Variants in MYO3A observed in about 807,000 individuals in gnomAD.
The protein encoded by MYO3A is myosin-IIIa.
In MYO3A, 180 loss-of-function variants were observed where a neutral mutation model predicts 192.7. The ratio of observed to expected loss-of-function variants is 0.93; its 90% CI spans 0.83 to 1.06. The LOEUF is 1.06. Among genes scored for constraint, MYO3A ranks in the 50% least tolerant of loss-of-function variants. MYO3A has a pLI of 0.00. For synonymous variants in MYO3A, 628 were observed against 645.3 expected (o/e 0.97, Z 0.41); for missense variants, 1,896 against 1,905.0 (o/e 1.00, Z 0.09).
At chr10:25,953,385 A>G (rs1406646323) in intron 3 of MYO3A, among the ~76,000 whole-genome samples, 2 of 152,126 alleles carry the variant, frequency 1.3e-5, no homozygotes, top group Non-Finnish European at 2.9e-5. Flanking sequence ...ATTTTAAAGC[A>G]ATAAATTAAA....
chr10:26,021,123 C>G (rs1213443790), intron 7 of MYO3A, among the ~76,000 whole-genome samples: 1 of 152,166 alleles, frequency 6.6e-6, no homozygotes, highest in Non-Finnish European at 1.5e-5. Context: ...AAAAACATAG[C>G]CTTCATCTTT....
intron 20 of MYO3A, among the ~76,000 whole-genome samples, chr10:26,140,595 G>A (rs769678085): frequency 6.6e-6 from 1 of 151,012 alleles, no homozygotes. Context: ...GAAGCAGGTA[G>A]AATTACTCGA....
chr10:26,182,808 G>GACGT (rs1369919955), intron 31 of MYO3A, among the ~76,000 whole-genome samples: 3 of 152,176 alleles, frequency 2.0e-5, no homozygotes, highest in Non-Finnish European at 4.4e-5. Flanking sequence ...ATACACAGAA[G>GACGT]ACGTGCTCAC....
intron 30 of MYO3A, among the ~76,000 whole-genome samples, chr10:26,176,252 C>T (rs1842324911): frequency 6.6e-6 from 1 of 151,464 alleles, no homozygotes; most frequent in Non-Finnish European, 1.5e-5. Context: ...GGAGATCGCA[C>T]CACTGCACTC....
chr10:25,993,866 T>C (rs1238322136), intron 4 of MYO3A, among the ~76,000 whole-genome samples: 2 of 152,234 alleles, frequency 1.3e-5, no homozygotes, highest in Non-Finnish European at 2.9e-5. Context: ...GGTTGCACTG[T>C]GGTCTGAGAG....
At chr10:26,030,641 T>C (rs1194683857) in intron 10 of MYO3A, among the ~76,000 whole-genome samples, 3 of 152,244 alleles carry the variant, frequency 2.0e-5, no homozygotes, top group Non-Finnish European at 4.4e-5. Context: ...AAAAATCTGA[T>C]TGTATTAAAT....
chr10:26,062,877 G>C (rs549745350), intron 10 of MYO3A, among the ~76,000 whole-genome samples: 6 of 123,898 alleles, frequency 4.8e-5, no homozygotes, highest in South Asian at 2.7e-4. Flanking sequence ...GTGTATGGGG[G>C]TGAGGGAATA....
At position 26,167,516 on chromosome 10, in the gene MYO3A, A is replaced by C. The variant is rs148738965; in HGVS notation, c.3112-1196A>C. Reference sequence around the variant, plus strand: ...TCAAATGGAGTTTTAACTTGTAAAAAGGCCTTTTGCAGTTATAGTTCTGCA... The same window carrying C: ...TCAAATGGAGTTTTAACTTGTAAAACGGCCTTTTGCAGTTATAGTTCTGCA... On this transcript the variant is annotated intron_variant, in intron 27 of 34. Coordinates refer to ENST00000642920, the MANE Select transcript of MYO3A (RefSeq NM_017433.5). 3.2e-3 allele frequency among the ~76,000 whole-genome samples: 485 copies of C among 152,332 alleles called. 3 individuals carry two copies. The highest frequency in any genetic ancestry group is 0.011 in the African/African-American group (453 of 41,590).
chr10:26,112,745 A>G (rs1015627803), intron 17 of MYO3A, among the ~76,000 whole-genome samples: 44 of 152,372 alleles, frequency 2.9e-4, no homozygotes, highest in Admixed American at 1.6e-3. Flanking sequence ...AATGACAGGC[A>G]AATCAAATTC....
intron 33 of MYO3A, among the ~76,000 whole-genome samples, chr10:26,201,555 A>G (rs1430670909): frequency 2.0e-5 from 3 of 151,866 alleles, no homozygotes; most frequent in African/African-American, 7.3e-5. Context: ...GCGTAGTGGC[A>G]GGCGCCTGTA....
intron 31 of MYO3A, among the ~76,000 whole-genome samples, chr10:26,188,925 G>A (rs1842991585): frequency 6.6e-6 from 1 of 152,168 alleles, no homozygotes; most frequent in African/African-American, 2.4e-5. Context: ...GTAGCATGAT[G>A]CCTCCAGCTT....
chr10:26,014,325 G>A (rs1258389355), intron 6 of MYO3A, among the ~76,000 whole-genome samples: 1 of 152,076 alleles, frequency 6.6e-6, no homozygotes, highest in African/African-American at 2.4e-5. Context: ...TCTAACCAAT[G>A]TGGAAGTCTT....
chr10:26,027,931 CTAT>C (rs1170561993), intron 10 of MYO3A, among the ~76,000 whole-genome samples: 5 of 152,188 alleles, frequency 3.3e-5, no homozygotes, highest in African/African-American at 1.2e-4. Flanking sequence ...ATAGATAGTA[CTAT>C]TAAGTCAAAA....
chr10:25,942,603 G>A (rs1836570438), intron 2 of MYO3A, among the ~76,000 whole-genome samples: 1 of 152,094 alleles, frequency 6.6e-6, no homozygotes, highest in Non-Finnish European at 1.5e-5. Flanking sequence ...CACTGAAATC[G>A]CTTTCTGGGT....
intron 20 of MYO3A, among the ~76,000 whole-genome samples, chr10:26,137,273 GA>G (rs1463832097): frequency 6.6e-6 from 1 of 152,184 alleles, no homozygotes; most frequent in East Asian, 1.9e-4. Flanking sequence ...ACAAAGATTT[GA>G]AATAGTTCAC....
rs1003044848 is a variant in MYO3A at position 26,176,706 on chromosome 10, A to G, written c.4299A>G (p.Ser1433=). 9 of 1,608,388 alleles carry G rather than the reference A, an allele frequency of 5.6e-6. No individual in the cohort carries two copies. In the African/African-American group the frequency reaches 1.1e-4, roughly 19 times the overall value. ...CGLAIFSKQI[S]KLSEEYFILQ... ...ACACATGACCTTCTTTTTAGATATC[A>G]AAGTTATCTGAAGAATATTTCATTC... The change falls in exon 31 of 35, where the codon TCA becomes TCG. Residue 1433 remains serine, a synonymous_variant. Transcript: ENST00000642920.
chr10:25,959,843 C>T (rs999163929), intron 4 of MYO3A, among the ~76,000 whole-genome samples: 5 of 151,496 alleles, frequency 3.3e-5, no homozygotes, highest in African/African-American at 4.8e-5. Context: ...GTGTGTACTG[C>T]TCAGGCAGGC....
Position 26,068,975 on chromosome 10 carries a change from A to T in MYO3A, c.1170+91A>T, listed in dbSNP as rs996136895. On this transcript the variant is annotated intron_variant, in intron 12 of 34. Coordinates refer to ENST00000642920, the MANE Select transcript of MYO3A (RefSeq NM_017433.5). ...ATTTAAATGAATGCCAGAAAATTTT[A>T]TCCAGTATTTTGAATAAACAGTTAC... The T allele has an allele frequency of 5.6e-6, 5 of 894,440 alleles. No homozygotes were observed. The African/African-American group carries it at 8.3e-5, about 15-fold the overall frequency. The allele number at this position is 894,440 out of a possible 1,614,324, so 55.4% of individuals were successfully genotyped here.
rs1837250289 is a variant in MYO3A at position 25,952,202 on chromosome 10, C to T, written c.92C>T (p.Thr31Ile). ...WEITETIGKG[T>I]YGKVFKVLNK... Reference sequence around the variant, plus strand: ...ATCACTGAGACAATTGGCAAAGGAACTTATGGGAAAGTTTTTAAAGTATTG... The same window carrying T: ...ATCACTGAGACAATTGGCAAAGGAATTTATGGGAAAGTTTTTAAAGTATTG... The change falls in exon 3 of 35, where the codon ACT becomes ATT. Residue 31 changes from threonine (T) to isoleucine (I), a missense_variant. Transcript: ENST00000642920. The T allele has an allele frequency of 6.2e-7, 1 of 1,612,686 alleles. No homozygotes were observed. The highest frequency in any genetic ancestry group is 2.2e-5 in the East Asian group (1 of 44,734).
Sources: allele counts gnomAD v4.1 joint callset (sites outside exome capture counted in the v4.1 genomes callset), GRCh38; gene constraint gnomAD v4.1.1; transcripts MANE v1.5; gene names NCBI Gene and HGNC (gene_info 2026-07-23, HGNC 2026-07-21).